Variants in ESRRB observed in about 807,000 individuals in gnomAD.
The protein encoded by ESRRB is estrogen related receptor beta, also known as steroid hormone receptor ERR2.
In ESRRB, 16 loss-of-function variants were observed where a neutral mutation model predicts 46.0. That is an observed-to-expected ratio of 0.35 (90% CI 0.24 to 0.53). The LOEUF is 0.53. ESRRB is among the 20% of genes least tolerant of loss of function. ESRRB has a pLI of 0.93. For synonymous variants in ESRRB, 246 were observed against 259.6 expected, an observed-to-expected ratio of 0.95 and a Z score of 0.50; for missense variants, 488 against 607.4, an observed-to-expected ratio of 0.80 and a Z score of 2.07.
chr14:76,464,639 AAC>A (rs1188774234), intron 3 of ESRRB, among the ~76,000 whole-genome samples: 1 of 152,108 alleles, frequency 6.6e-6, no homozygotes. Flanking sequence ...CAACCGAAAA[AAC>A]AGTCTCCTTT....
chr14:76,348,941 A>G (rs1284992040), intron 1 of ESRRB, among the ~76,000 whole-genome samples: 1 of 152,106 alleles, frequency 6.6e-6, no homozygotes, highest in East Asian at 1.9e-4. Context: ...TGAATGAGAC[A>G]CACCTACCCT....
chr14:76,477,448 A>C (rs1050696383), intron 3 of ESRRB, among the ~76,000 whole-genome samples: 1 of 152,220 alleles, frequency 6.6e-6, no homozygotes, highest in Non-Finnish European at 1.5e-5. Flanking sequence ...TTTTCTCATC[A>C]TTAAGTCATA....
In ESRRB at chr14:76,351,986, TA is replaced by T. The variant is rs201356393; in HGVS notation, c.2+41093del. Among the ~76,000 whole-genome samples, 528 of 91,784 alleles carry T rather than the reference TA, an allele frequency of 5.8e-3. 7 individuals carry two copies. Among genetic ancestry groups the T allele is most frequent in the African/African-American group, 0.019 (403 of 20,874 alleles). 60.2% of individuals were successfully genotyped at this position (91,784 alleles called of 152,430 possible). A position where few individuals can be genotyped will look rare whatever the true frequency, so the allele number is the denominator to read the frequency against. ...GGAGACAGAGTGAGACCCAGTCTCT[TA>T]AAAAAAAAAAAAAAAAAAAAAAGCA... On this transcript the variant is annotated intron_variant, in intron 1 of 6. Coordinates refer to the ESRRB transcript ENST00000512784.
At position 76,376,892 on chromosome 14, in the gene ESRRB, A is replaced by G. The variant is rs1057372287; in HGVS notation, c.50+441A>G. Among the ~76,000 whole-genome samples the G allele has an allele frequency of 1.3e-5, 2 of 151,960 alleles. No homozygotes were observed. Among genetic ancestry groups the G allele is most frequent in the African/African-American group, 4.8e-5 (2 of 41,362 alleles). ...TTGTTTTATTATTTCCATCCTGGGG[A>G]CCAAAAATGATCCCGGCAAGAGAGA... On this transcript the variant is annotated intron_variant, in intron 1 of 6. Coordinates refer to ENST00000644823, the MANE Select transcript of ESRRB (RefSeq NM_001379180.1). This position sits in a 1 kb window ranked among gnomAD's most constrained non-coding sequence, Gnocchi z 4.1.
chr14:76,417,658 T>C (rs559752109), intron 1 of ESRRB, among the ~76,000 whole-genome samples: 10 of 152,306 alleles, frequency 6.6e-5, no homozygotes, highest in African/African-American at 2.4e-4. Context: ...GCGAAATAAC[T>C]GGTTGGAAGT....
chr14:76,380,810 A>G (rs1036589789), intron 1 of ESRRB, among the ~76,000 whole-genome samples: 2 of 152,168 alleles, frequency 1.3e-5, no homozygotes, highest in Non-Finnish European at 2.9e-5. Context: ...TACAGCCCCT[A>G]GAGGTGCTGC....
rs1329807991 is a variant in ESRRB, at chr14:76,439,531, C to T, written c.241C>T (p.Pro81Ser). The change falls in exon 2 of 7, where the codon CCC becomes TCC. Residue 81 changes from proline to serine, a missense_variant. Coordinates refer to ENST00000644823, the MANE Select transcript of ESRRB (RefSeq NM_001379180.1). Reference sequence around the variant, plus strand: ...CCACGCCAACGGTCTGGACTCGCCACCCATGTTTGCAGGCGCCGGGCTGGG... The same window carrying T: ...CCACGCCAACGGTCTGGACTCGCCATCCATGTTTGCAGGCGCCGGGCTGGG... ...GTHANGLDSP[P>S]MFAGAGLGGT... 5.6e-6 allele frequency: 9 copies of T among 1,613,700 alleles called. No individual in the cohort carries two copies. The highest frequency in any genetic ancestry group is 7.6e-6 in the Non-Finnish European group (9 of 1,179,972).
intron 2 of ESRRB, among the ~76,000 whole-genome samples, chr14:76,461,484 T>TTTTGC (rs1385140570): frequency 5.0e-5 from 3 of 60,306 alleles, no homozygotes; most frequent in Admixed American, 4.9e-4. Context: ...CATTCTTTTG[T>TTTTGC]TTTGTTTTGT....
chr14:76,452,891 G>A (rs1319311313), intron 2 of ESRRB, among the ~76,000 whole-genome samples: 2 of 152,206 alleles, frequency 1.3e-5, no homozygotes, highest in African/African-American at 4.8e-5. Context: ...AGAGACCCTG[G>A]AGAGTTTGGA....
intron 1 of ESRRB, chr14:76,310,930 C>T (rs1220848639): frequency 2.2e-6 from 1 of 453,300 alleles, no homozygotes; most frequent in Non-Finnish European, 4.4e-6. Context: ...AGTAACCCAA[C>T]TTCTCCCTTT....
intron 1 of ESRRB, among the ~76,000 whole-genome samples, chr14:76,435,967 G>A (rs1283764845): frequency 2.0e-5 from 3 of 152,142 alleles, no homozygotes; most frequent in Admixed American, 6.5e-5. Flanking sequence ...AGTTAATAAC[G>A]GGCTTCCCGC....
chr14:76,363,356 C>T (rs1884486067), intron 1 of ESRRB, among the ~76,000 whole-genome samples: 1 of 152,172 alleles, frequency 6.6e-6, no homozygotes. Context: ...CCATTTGGAC[C>T]TGCTCCAACC....
chr14:76,479,217 T>TTG (rs146974231), intron 3 of ESRRB, among the ~76,000 whole-genome samples: 25,137 of 144,926 alleles, frequency 0.17, 2,219 homozygotes, highest in African/African-American at 0.25. Flanking sequence ...CACTGTCTGT[T>TTG]TGTGTGTGTG....
At chr14:76,495,535 T>A (rs978660569) in intron 6 of ESRRB, 4 of 136,948 alleles carry the variant, frequency 2.9e-5, no homozygotes, top group African/African-American at 1.0e-4. Flanking sequence ...GAAAGCAGGC[T>A]GGCTAGTCTT....
intron 1 of ESRRB, among the ~76,000 whole-genome samples, chr14:76,417,944 CTTTTTTT>C (rs869242837): frequency 0.011 from 1,017 of 91,350 alleles, 16 homozygotes; most frequent in Non-Finnish European, 0.014. Flanking sequence ...CTTTTACATA[CTTTTTTT>C]TTTTTTTTTT....
chr14:76,407,464 G>A (rs1195417377), intron 1 of ESRRB: 1 of 883,742 alleles, frequency 1.1e-6, no homozygotes, highest in African/African-American at 1.8e-5. Context: ...TAAATCCTCT[G>A]ACCTTGACTT....
intron 2 of ESRRB, 67 bp from the exon 3 acceptor site, chr14:76,462,478 C>T: frequency 8.3e-7 from 1 of 1,207,314 alleles, no homozygotes; most frequent in Non-Finnish European, 1.2e-6. Context: ...ATCCAGCCAG[C>T]CCTGCGCTGG....
rs1889857825 is a variant in ESRRB at position 76,482,731 on chromosome 14, C to T, written c.822C>T (p.Val274=). ...ACCTGGCAGACCGAGAGCTTGTGGT[C>T]ATCATTGGCTGGGCCAAGCACATCC... The part of the protein sequence containing the change: ...LCDLADRELV[V]IIGWAKHIPG... Residue 274 remains valine (V), a synonymous_variant, in exon 5 of 7, where the codon GTC becomes GTT. Transcript: ENST00000644823. The surrounding 1 kb of genome is among the most constrained non-coding windows in gnomAD (Gnocchi z 4.3). The T allele has an allele frequency of 6.2e-7, 1 of 1,614,024 alleles. No homozygotes were observed.
Position 76,501,223 on chromosome 14 carries a change from A to G in ESRRB, c.*2765A>G, listed in dbSNP as rs576730553. On this transcript the variant is annotated 3_prime_UTR_variant, in exon 7 of 7. Coordinates refer to ENST00000644823, the MANE Select transcript of ESRRB (RefSeq NM_001379180.1). ...TTTGAAATGAACCAAGAAATAAAAC[A>G]TGAAAATCCAACCATGGAGAAGGTG... 52 of 157,282 alleles carry G rather than the reference A, an allele frequency of 3.3e-4. 2 individuals carry two copies. The South Asian group carries it at 9.6e-3, about 29-fold the overall frequency. The allele number at this position is 157,282 out of a possible 1,614,324, so 9.7% of individuals were successfully genotyped here.
Sources: allele counts gnomAD v4.1 joint callset (sites outside exome capture counted in the v4.1 genomes callset), GRCh38; gene constraint gnomAD v4.1.1; non-coding constraint Gnocchi (gnomAD v3.1); transcripts MANE v1.5; gene names NCBI Gene and HGNC (gene_info 2026-07-23, HGNC 2026-07-21).